Variants in MAPKAP1 observed in about 807,000 individuals in gnomAD.
MAPKAP1 encodes the protein MAPK associated protein 1, also known as target of rapamycin complex 2 subunit MAPKAP1.
Under a neutral mutation model 65.7 loss-of-function variants are expected in MAPKAP1, and 20 were observed. The ratio of observed to expected loss-of-function variants is 0.30; its 90% CI spans 0.21 to 0.44. MAPKAP1 has a LOEUF of 0.44. Among genes scored for constraint, MAPKAP1 ranks in the 20% least tolerant of loss-of-function variants. The probability of loss-of-function intolerance (pLI) is 1.00; values close to 1 mark genes in which losing one functional copy is unlikely to be tolerated. For missense variants in MAPKAP1, 423 were observed against 648.0 expected (o/e 0.65, Z 3.77); for synonymous variants, 222 against 244.3 (o/e 0.91, Z 0.85).
intron 4 of MAPKAP1, among the ~76,000 whole-genome samples, chr9:125,613,415 A>G (rs893054032): frequency 6.6e-6 from 1 of 152,106 alleles, no homozygotes; most frequent in African/African-American, 2.4e-5. Flanking sequence ...CCTCCTTCTC[A>G]CGACACTCAG....
At chr9:125,652,010 T>C (rs1267995388) in intron 4 of MAPKAP1, 5 of 804,656 alleles carry the variant, frequency 6.2e-6, no homozygotes, top group African/African-American at 1.8e-5. Context: ...TAGTTTAACA[T>C]ATTAGAAGGG....
At chr9:125,629,992 T>C (rs1052361132) in intron 4 of MAPKAP1, among the ~76,000 whole-genome samples, 1 of 152,092 alleles carries the variant, frequency 6.6e-6, no homozygotes, top group East Asian at 1.9e-4. Context: ...TCACAAACTA[T>C]GTGGGGAAGT....
At chr9:125,519,622 T>C (rs955023658) in intron 7 of MAPKAP1, among the ~76,000 whole-genome samples, 1 of 148,880 alleles carries the variant, frequency 6.7e-6, no homozygotes, top group East Asian at 2.0e-4. Context: ...AAGCAAGACC[T>C]TGTCTAATAT....
At chr9:125,586,638 A>C (rs1486304223) in intron 4 of MAPKAP1, among the ~76,000 whole-genome samples, 1 of 152,006 alleles carries the variant, frequency 6.6e-6, no homozygotes, top group Non-Finnish European at 1.5e-5. Context: ...GACCCAGGCC[A>C]TCCGATGACA....
At chr9:125,504,389 A>G (rs1274902404) in intron 8 of MAPKAP1, among the ~76,000 whole-genome samples, 2 of 152,204 alleles carry the variant, frequency 1.3e-5, no homozygotes, top group African/African-American at 4.8e-5. Flanking sequence ...TCTGCCTTTG[A>G]GAATTTGCTA....
At chr9:125,587,303 T>C (rs1259368721) in intron 4 of MAPKAP1, among the ~76,000 whole-genome samples, 3 of 152,204 alleles carry the variant, frequency 2.0e-5, no homozygotes, top group Non-Finnish European at 4.4e-5. Flanking sequence ...CAGTGGCTCA[T>C]GCCTGTAATC....
At chr9:125,705,333 G>A (rs1835724999) in intron 1 of MAPKAP1, among the ~76,000 whole-genome samples, 1 of 152,080 alleles carries the variant, frequency 6.6e-6, no homozygotes, top group Admixed American at 6.6e-5. Context: ...GTAAATTGAG[G>A]TTAAAATGAT....
chr9:125,542,634 G>C (rs1356580127), intron 7 of MAPKAP1, among the ~76,000 whole-genome samples: 1 of 151,916 alleles, frequency 6.6e-6, no homozygotes, highest in Non-Finnish European at 1.5e-5. Context: ...AGGATGAAGA[G>C]AAATTTTTCT....
At chr9:125,575,013 A>G (rs1831350007) in intron 5 of MAPKAP1, among the ~76,000 whole-genome samples, 1 of 152,234 alleles carries the variant, frequency 6.6e-6, no homozygotes, top group Non-Finnish European at 1.5e-5. Flanking sequence ...AAGAAAGTAC[A>G]GAAAGATGTT....
chr9:125,453,652 A>G (rs1324966266), intron 10 of MAPKAP1, among the ~76,000 whole-genome samples: 1 of 152,252 alleles, frequency 6.6e-6, no homozygotes, highest in Non-Finnish European at 1.5e-5. Context: ...ATTCTGTTAC[A>G]TTAAAATCTA....
intron 5 of MAPKAP1, among the ~76,000 whole-genome samples, chr9:125,584,499 C>A (rs1053217890): frequency 4.6e-5 from 7 of 152,078 alleles, no homozygotes; most frequent in African/African-American, 1.7e-4. Context: ...AGTGCAGTGG[C>A]GCGATCTCGG....
At chr9:125,458,669 C>T (rs1369174646) in intron 10 of MAPKAP1, among the ~76,000 whole-genome samples, 2 of 150,510 alleles carry the variant, frequency 1.3e-5, no homozygotes, top group Non-Finnish European at 3.0e-5. Flanking sequence ...CCCCACCCCT[C>T]CCCCCTTTCT....
intron 1 of MAPKAP1, among the ~76,000 whole-genome samples, chr9:125,683,448 T>C (rs1408184089): frequency 6.6e-6 from 1 of 152,202 alleles, no homozygotes; most frequent in Non-Finnish European, 1.5e-5. Context: ...CTTGCCGGCC[T>C]TGAAGAAGCA....
chr9:125,498,613 G>T (rs571262172), intron 8 of MAPKAP1, among the ~76,000 whole-genome samples: 8 of 152,170 alleles, frequency 5.3e-5, no homozygotes, highest in Non-Finnish European at 1.0e-4. Context: ...ATTCATTGAC[G>T]TGGTTGATAT....
chr9:125,523,287 C>T (rs1020983088), intron 7 of MAPKAP1, among the ~76,000 whole-genome samples: 7 of 152,166 alleles, frequency 4.6e-5, no homozygotes, highest in African/African-American at 1.4e-4. Context: ...TGCCTGCCCG[C>T]CTGGATTTCC....
intron 7 of MAPKAP1, among the ~76,000 whole-genome samples, chr9:125,526,786 CT>C (rs1185754309): frequency 3.9e-4 from 55 of 141,146 alleles, no homozygotes; most frequent in East Asian, 4.1e-4. Context: ...TTTCTTTTTT[CT>C]TTTTTTTTTT....
chr9:125,498,633 T>C (rs1226051549), intron 8 of MAPKAP1, among the ~76,000 whole-genome samples: 1 of 152,226 alleles, frequency 6.6e-6, no homozygotes, highest in Non-Finnish European at 1.5e-5. Context: ...TAAAATATTA[T>C]GCCACATTCC....
chr9:125,674,276 TA>T (rs956815535), intron 1 of MAPKAP1, among the ~76,000 whole-genome samples: 1 of 152,048 alleles, frequency 6.6e-6, no homozygotes, highest in African/African-American at 2.4e-5. Context: ...ATAATAATGA[TA>T]AAAAATCAAT....
chr9:125,466,782 C>A (rs76406919), intron 10 of MAPKAP1, among the ~76,000 whole-genome samples: 9,127 of 152,142 alleles, frequency 0.06, 822 homozygotes, highest in African/African-American at 0.2. Context: ...CCCCTAAGTT[C>A]TCCCTTTTTG....
Sources: allele counts gnomAD v4.1 joint callset (sites outside exome capture counted in the v4.1 genomes callset), GRCh38; gene constraint gnomAD v4.1.1; transcripts MANE v1.5; gene names NCBI Gene and HGNC (gene_info 2026-07-23, HGNC 2026-07-21).